SGCZ: variants seen among roughly 807,000 people sequenced by gnomAD.
SGCZ encodes sarcoglycan zeta.
Under a neutral mutation model 41.3 loss-of-function variants are expected in SGCZ, and 40 were observed. The ratio of observed to expected loss-of-function variants is 0.97; its 90% CI spans 0.75 to 1.26. The LOEUF (loss-of-function observed/expected upper bound fraction) is 1.26, where lower values mean the gene tolerates loss of function less well. SGCZ is among the 50% of genes most tolerant of loss of function. The pLI is 0.00. For missense variants in SGCZ, 552 were observed against 369.8 expected, an observed-to-expected ratio of 1.49 and a Z score of -4.04; for synonymous variants, 206 against 137.5, an observed-to-expected ratio of 1.50 and a Z score of -3.49.
chr8:14,430,672 A>G (rs1799918890), intron 2 of SGCZ, among the ~76,000 whole-genome samples: 2 of 152,160 alleles, frequency 1.3e-5, no homozygotes, highest in African/African-American at 4.8e-5. Context: ...CCTCTTCAAC[A>G]CAGTACTTGA....
chr8:14,457,574 G>A (rs181904276), intron 2 of SGCZ, among the ~76,000 whole-genome samples: 2 of 152,172 alleles, frequency 1.3e-5, no homozygotes, highest in Non-Finnish European at 2.9e-5. Context: ...CAGTGGTCAC[G>A]CTCCTAGTCC....
intron 2 of SGCZ, among the ~76,000 whole-genome samples, chr8:14,432,007 T>C (rs1253708338): frequency 2.1e-5 from 3 of 144,046 alleles, no homozygotes; most frequent in Non-Finnish European, 4.8e-5. Flanking sequence ...AGAATGGCTA[T>C]AATCCAAAAA....
intron 1 of SGCZ, among the ~76,000 whole-genome samples, chr8:15,031,573 G>A (rs1803663734): frequency 6.6e-6 from 1 of 152,106 alleles, no homozygotes; most frequent in Non-Finnish European, 1.5e-5. Context: ...GAAACTAATG[G>A]CCAAGAAAGT....
intron 4 of SGCZ, among the ~76,000 whole-genome samples, chr8:14,187,011 C>G (rs1246519766): frequency 6.6e-6 from 1 of 152,128 alleles, no homozygotes; most frequent in African/African-American, 2.4e-5. Flanking sequence ...ATAAACTCTA[C>G]CAATTGCTGG....
At chr8:14,587,039 A>G (rs9325716) in intron 1 of SGCZ, among the ~76,000 whole-genome samples, 8,787 of 151,472 alleles carry the variant, frequency 0.058, 666 homozygotes, top group African/African-American at 0.18. Context: ...AAAAAAAAAC[A>G]AAATAAACTT....
intron 1 of SGCZ, among the ~76,000 whole-genome samples, chr8:15,145,857 A>T (rs1172335583): frequency 6.6e-6 from 1 of 152,200 alleles, no homozygotes; most frequent in African/African-American, 2.4e-5. Context: ...TATGATTATC[A>T]AGGAGGTTAA....
At chr8:14,502,741 CA>C (rs1165749425) in intron 2 of SGCZ, among the ~76,000 whole-genome samples, 34 of 152,108 alleles carry the variant, frequency 2.2e-4, no homozygotes, top group Non-Finnish European at 4.3e-4. Context: ...AAGTCAAAAC[CA>C]AAATGAGATA....
At chr8:15,129,444 T>G (rs977854235) in intron 1 of SGCZ, among the ~76,000 whole-genome samples, 10 of 152,180 alleles carry the variant, frequency 6.6e-5, no homozygotes, top group African/African-American at 2.4e-4. Flanking sequence ...ACATCCAAAC[T>G]GTTTAACTAA....
At chr8:14,317,371 T>G (rs903922303) in intron 3 of SGCZ, among the ~76,000 whole-genome samples, 3 of 151,930 alleles carry the variant, frequency 2.0e-5, no homozygotes, top group African/African-American at 7.2e-5. Context: ...GTGCCAAGAT[T>G]TGAAACCAGT....
chr8:14,291,682 T>C (rs201929704), intron 3 of SGCZ, among the ~76,000 whole-genome samples: 1 of 10,148 alleles, frequency 9.9e-5, no homozygotes, highest in Non-Finnish European at 3.6e-4. Context: ...TTCGGAAACA[T>C]ATATATATAT....
chr8:14,590,959 A>T (rs1219098279), intron 1 of SGCZ, among the ~76,000 whole-genome samples: 1 of 150,794 alleles, frequency 6.6e-6, no homozygotes, highest in Non-Finnish European at 1.5e-5. Context: ...TGTCATAAAT[A>T]TATGCAAACA....
Position 14,237,590 on chromosome 8 carries a change from A to G in SGCZ, c.424+2T>C. 1 of 1,613,024 alleles carries G rather than the reference A, an allele frequency of 6.2e-7. No individual in the cohort carries two copies. The highest frequency in any genetic ancestry group is 8.5e-7 in the Non-Finnish European group (1 of 1,179,474). ...GAGCAATCTTTACCCCAAAACACTC[A>G]CCTATGGTCAGCTGTCCGGTTAACT... On this transcript the variant is annotated splice_donor_variant, in intron 4 of 7. Transcript: ENST00000382080. LOFTEE classifies it high-confidence loss of function.
intron 1 of SGCZ, among the ~76,000 whole-genome samples, chr8:14,631,055 T>G (rs1412424424): frequency 1.3e-5 from 2 of 151,928 alleles, no homozygotes; most frequent in Admixed American, 1.3e-4. Context: ...TTATATGTAA[T>G]AAAAAAGAAA....
intron 1 of SGCZ, among the ~76,000 whole-genome samples, chr8:14,711,363 G>A (rs1004287244): frequency 2.0e-5 from 3 of 150,450 alleles, no homozygotes; most frequent in Non-Finnish European, 4.4e-5. Flanking sequence ...GCTGAGGCTG[G>A]CAGATCCCTT....
At chr8:14,574,474 C>T (rs1378289101) in intron 1 of SGCZ, among the ~76,000 whole-genome samples, 1 of 152,138 alleles carries the variant, frequency 6.6e-6, no homozygotes, top group Non-Finnish European at 1.5e-5. Flanking sequence ...CCAGAGGGAT[C>T]CTGCCATGTA....
At chr8:14,888,612 G>A (rs577740738) in intron 1 of SGCZ, among the ~76,000 whole-genome samples, 7 of 152,028 alleles carry the variant, frequency 4.6e-5, no homozygotes, top group South Asian at 2.1e-4. Flanking sequence ...AATCATTAAC[G>A]TAAGATCCAA....
chr8:15,142,145 G>A (rs76682527), intron 1 of SGCZ, among the ~76,000 whole-genome samples: 6,509 of 152,178 alleles, frequency 0.043, 455 homozygotes, highest in African/African-American at 0.15. Context: ...TTACAAACAC[G>A]AGATGATTCT....
At chr8:15,109,222 T>C (rs754892526) in intron 1 of SGCZ, among the ~76,000 whole-genome samples, 16 of 152,180 alleles carry the variant, frequency 1.1e-4, no homozygotes, top group Non-Finnish European at 1.9e-4. Context: ...GCCTTCTCCT[T>C]TCCCAGCTTA....
chr8:14,738,542 G>C lies in SGCZ; in HGVS notation c.40-183616C>G, dbSNP rs181568627. Among the ~76,000 whole-genome samples the C allele has an allele frequency of 6.4e-3, 974 of 152,126 alleles. 13 individuals carry two copies. Among genetic ancestry groups the C allele is most frequent in the African/African-American group, 0.023 (937 of 41,520 alleles). On this transcript the variant is annotated intron_variant, in intron 1 of 7. Coordinates refer to ENST00000382080, the MANE Select transcript of SGCZ (RefSeq NM_139167.4). ...GTCCTCAATAGGAGCAGTGTACCTA[G>C]CTCGTAAAATTTCCTCTGCAGTTAC... is the stretch of plus-strand genomic sequence containing the variant.
Sources: allele counts gnomAD v4.1 joint callset (sites outside exome capture counted in the v4.1 genomes callset), GRCh38; gene constraint gnomAD v4.1.1; transcripts MANE v1.5; gene names NCBI Gene and HGNC (gene_info 2026-07-23, HGNC 2026-07-21).